SIRPD: variants seen among roughly 807,000 people sequenced by gnomAD.
SIRPD encodes signal-regulatory protein delta.
In SIRPD, 21 loss-of-function variants were observed where a neutral mutation model predicts 18.0. That is an observed-to-expected ratio of 1.17 (90% CI 0.83 to 1.68). The LOEUF (loss-of-function observed/expected upper bound fraction) is 1.68. SIRPD is among the 40% of genes most tolerant of loss of function. The probability of loss-of-function intolerance (pLI) is 0.00; values close to 1 mark genes in which losing one functional copy is unlikely to be tolerated. For synonymous variants in SIRPD, 106 were observed against 92.9 expected (o/e 1.14, Z -0.81); for missense variants, 295 against 238.4 (o/e 1.24, Z -1.56).
chr20:1,538,428 A>G (rs980007895), intron 2 of SIRPD, among the ~76,000 whole-genome samples: 11 of 152,066 alleles, frequency 7.2e-5, no homozygotes, highest in African/African-American at 2.7e-4. Context: ...GTCTTCACTG[A>G]TGACAGATTC....
chr20:1,539,610 C>G (rs924513742), intron 2 of SIRPD, among the ~76,000 whole-genome samples: 1 of 152,180 alleles, frequency 6.6e-6, no homozygotes, highest in Non-Finnish European at 1.5e-5. Flanking sequence ...TGGCATTCAC[C>G]CCACTATGTA....
chr20:1,551,563 A>T, intron 2 of SIRPD, 128 bp downstream of exon 2: 1 of 762,800 alleles, frequency 1.3e-6, no homozygotes. Flanking sequence ...TGAGAGAATT[A>T]AAAAGATCAA....
intron 2 of SIRPD, among the ~76,000 whole-genome samples, chr20:1,549,950 A>T (rs1222772773): frequency 6.6e-6 from 1 of 152,166 alleles, no homozygotes; most frequent in Non-Finnish European, 1.5e-5. Flanking sequence ...TACATTTCTG[A>T]CTCAGAACAT....
At chr20:1,540,116 G>A (rs926905588) in intron 2 of SIRPD, 5 of 327,314 alleles carry the variant, frequency 1.5e-5, no homozygotes, top group Non-Finnish European at 3.0e-5. Context: ...ATTGTGAGAA[G>A]GCAATGTGAA....
chr20:1,552,075 G>C (rs760700832), intron 1 of SIRPD, 37 bp from the exon 2 acceptor site: 1 of 1,572,758 alleles, frequency 6.4e-7, no homozygotes, highest in South Asian at 1.1e-5. Flanking sequence ...CATTTCCCCT[G>C]TTCTGGCTTA....
chr20:1,555,139 A>G (rs2091034738), intron 1 of SIRPD, among the ~76,000 whole-genome samples: 1 of 152,240 alleles, frequency 6.6e-6, no homozygotes, highest in African/African-American at 2.4e-5. Context: ...ATGCAGTAGA[A>G]TACTATTTAG....
At chr20:1,548,095 A>G (rs911450468) in intron 2 of SIRPD, among the ~76,000 whole-genome samples, 5 of 152,188 alleles carry the variant, frequency 3.3e-5, no homozygotes, top group Non-Finnish European at 5.9e-5. Context: ...CTGACTAAAA[A>G]TTTTAGTACA....
At chr20:1,557,179 G>A (rs775557550) in intron 1 of SIRPD, among the ~76,000 whole-genome samples, 11 of 152,182 alleles carry the variant, frequency 7.2e-5, no homozygotes, top group Non-Finnish European at 1.3e-4. Context: ...CTTGAGCCCA[G>A]GAGGTGGAAG....
At chr20:1,536,718 G>C (rs1382513183) in intron 3 of SIRPD, among the ~76,000 whole-genome samples, 2 of 152,114 alleles carry the variant, frequency 1.3e-5, no homozygotes, top group African/African-American at 2.4e-5. Flanking sequence ...AATCACCTAT[G>C]CATCCATGTG....
rs144288124 is a variant in SIRPD at position 1,535,793 on chromosome 20, T to C, written c.578-1352A>G. ...ACCTCCCTGAGGCTCTGTTTTCTTA[T>C]CTATGTAATGTATACAATGTGGAAA... On this transcript the variant is annotated intron_variant, in intron 3 of 3. Coordinates refer to ENST00000381623, the MANE Select transcript of SIRPD (RefSeq NM_178460.3). Among the ~76,000 whole-genome samples, 529 of 152,342 alleles carry C rather than the reference T, an allele frequency of 3.5e-3. 1 individual carries two copies. Among genetic ancestry groups the C allele is most frequent in the Non-Finnish European group, 5.1e-3 (344 of 68,026 alleles).
At chr20:1,553,247 C>T (rs374771470) in intron 1 of SIRPD, among the ~76,000 whole-genome samples, 4 of 152,304 alleles carry the variant, frequency 2.6e-5, no homozygotes. Context: ...TAGGAGATCA[C>T]ATCCACTCAT....
chr20:1,534,411 C>T lies in SIRPD; in HGVS notation c.*14G>A. ...GCTTTTGTTATTTACTTGTACGTTC[C>T]TTCCCTGTTTGGATTATTTTGACAG... On this transcript the variant is annotated 3_prime_UTR_variant, in exon 4 of 4. Transcript: ENST00000381623. 2 of 1,612,338 alleles carry T rather than the reference C, an allele frequency of 1.2e-6. No homozygotes were observed. The highest frequency in any genetic ancestry group is 1.7e-6 in the Non-Finnish European group (2 of 1,179,716).
rs369735259 is a variant in SIRPD at position 1,551,716 on chromosome 20, A to G, written c.396T>C (p.Gly132=). ...KGRAIKEYQS[G]RGTQVFVTEQ... is the part of the protein sequence containing the mutation. ...CAGTAACAAACACCTGAGTGCCCCGACCTGATTGGTACTCCTTGATAGCTC... is the reference window on the plus strand; with the variant it reads ...CAGTAACAAACACCTGAGTGCCCCGGCCTGATTGGTACTCCTTGATAGCTC... The change falls in exon 2 of 4, where the codon GGT becomes GGC. Residue 132 remains glycine (G), a synonymous_variant. Coordinates refer to ENST00000381623, the MANE Select transcript of SIRPD (RefSeq NM_178460.3). 112 of 1,613,792 alleles carry G rather than the reference A, an allele frequency of 6.9e-5. No homozygotes were observed. The highest frequency in any genetic ancestry group is 8.8e-5 in the Non-Finnish European group (104 of 1,179,806).
rs143061754 is a variant in SIRPD at position 1,537,194 on chromosome 20, C to T, written c.538G>A (p.Val180Ile). 66 of 1,614,082 alleles carry T rather than the reference C, an allele frequency of 4.1e-5. 1 individual carries two copies. Among genetic ancestry groups the T allele is most frequent in the Non-Finnish European group, 4.9e-5 (58 of 1,179,996 alleles). Residue 180 changes from valine (V) to isoleucine (I), a missense_variant, in exon 3 of 4, where the codon GTC becomes ATC. Physicochemically the swap from Val to Ile is conservative, Grantham distance 29. Transcript: ENST00000381623. The stretch of plus-strand genomic sequence containing the variant: ...AGCCGGAGGCAGCAGCAGGGTTGGA[C>T]GAAATAGTTTGTGCTGTTTCTCTCA... The part of the protein sequence containing the change: ...LPERNSTNYF[V>I]QPCCCLRLLG...
At chr20:1,544,120 T>G (rs1279383035) in intron 2 of SIRPD, among the ~76,000 whole-genome samples, 1 of 152,212 alleles carries the variant, frequency 6.6e-6, no homozygotes. Flanking sequence ...TAGATGTCTA[T>G]TAGGTCTGCT....
chr20:1,557,536 C>A, intron 1 of SIRPD, 45 bp downstream of exon 1: 1 of 1,429,148 alleles, frequency 7.0e-7, no homozygotes, highest in Non-Finnish European at 9.3e-7. Flanking sequence ...ACTAAACAGG[C>A]AGAGGGGAGA....
chr20:1,542,962 G>A (rs2263660), intron 2 of SIRPD, among the ~76,000 whole-genome samples: 1 of 149,476 alleles, frequency 6.7e-6, no homozygotes, highest in Non-Finnish European at 1.5e-5. Flanking sequence ...AACCAGCCTT[G>A]CATCCCAGGG....
chr20:1,539,633 G>A (rs1171164523), intron 2 of SIRPD, among the ~76,000 whole-genome samples: 1 of 152,182 alleles, frequency 6.6e-6, no homozygotes. Context: ...CCCTTCCTCT[G>A]GATCTAGTGA....
intron 2 of SIRPD, among the ~76,000 whole-genome samples, chr20:1,547,527 G>A (rs902732477): frequency 2.0e-5 from 3 of 152,214 alleles, no homozygotes; most frequent in African/African-American, 7.2e-5. Context: ...AAAGTGCTGG[G>A]ATTACAGGCG....
Sources: gnomAD v4.1 joint callset for allele counts (sites outside exome capture counted in the v4.1 genomes callset) on GRCh38, gnomAD v4.1.1 for gene constraint, MANE v1.5 for transcripts, NCBI Gene and HGNC (gene_info 2026-07-23, HGNC 2026-07-21) for gene names.